TNIP1: variants seen among roughly 807,000 people sequenced by gnomAD.
The protein encoded by TNIP1 is TNFAIP3-interacting protein 1.
Under a neutral mutation model 86.6 loss-of-function variants are expected in TNIP1, and 22 were observed. That is an observed-to-expected ratio of 0.25 (90% CI 0.18 to 0.36). TNIP1 has a LOEUF of 0.36. Ranked by LOEUF, TNIP1 falls within the 10% of genes least tolerant of loss-of-function variation. The probability of loss-of-function intolerance (pLI) is 1.00; values close to 1 mark genes in which losing one functional copy is unlikely to be tolerated. For synonymous variants in TNIP1, 294 were observed against 313.0 expected (o/e 0.94, Z 0.64); for missense variants, 709 against 820.6 (o/e 0.86, Z 1.66).
intron 6 of TNIP1, among the ~76,000 whole-genome samples, chr5:151,052,848 C>T (rs1413170833): frequency 6.6e-6 from 1 of 152,146 alleles, no homozygotes; most frequent in Non-Finnish European, 1.5e-5. Flanking sequence ...CTGCCAGATC[C>T]CCAGCCCCCA....
At position 151,030,198 on chromosome 5, in the gene TNIP1, A is replaced by G; in HGVS notation, c.*515T>C. 2.2e-6 allele frequency: 1 copy of G among 455,876 alleles called. No individual in the cohort carries two copies. 28.2% of individuals were successfully genotyped at this position (455,876 alleles called of 1,614,324 possible). ...AGAGGGCCCCAGAGCCAGAATATCC[A>G]TCATTCTCTTCTGTTCTGGAGACAA... On this transcript the variant is annotated 3_prime_UTR_variant, in exon 18 of 18. Transcript: ENST00000521591.
intron 1 of TNIP1, among the ~76,000 whole-genome samples, chr5:151,068,894 T>C (rs940479495): frequency 1.3e-5 from 2 of 152,224 alleles, no homozygotes; most frequent in Non-Finnish European, 2.9e-5. Flanking sequence ...CCAGCCCCGC[T>C]TGCCCAAACC....
At chr5:151,069,335 AC>A (rs1197392640) in intron 1 of TNIP1, among the ~76,000 whole-genome samples, 5 of 152,066 alleles carry the variant, frequency 3.3e-5, no homozygotes, top group African/African-American at 7.2e-5. Context: ...GTGGTCCCAG[AC>A]CCCCCAAATG....
rs561286440 is a variant in TNIP1, at chr5:151,074,667, A to G, written c.-37+6213T>C. On this transcript the variant is annotated intron_variant, in intron 1 of 17. Transcript: ENST00000521591. Reference sequence around the variant, plus strand: ...TGAAAGCCAAAGATGCCTTGTGTTAACAACAAAAAGCTGAAAGCTACCTAA... The same window carrying G: ...TGAAAGCCAAAGATGCCTTGTGTTAGCAACAAAAAGCTGAAAGCTACCTAA... 7.9e-5 allele frequency among the ~76,000 whole-genome samples: 12 copies of G among 152,368 alleles called. No individual in the cohort carries two copies. In the South Asian group the frequency reaches 2.3e-3, roughly 29 times the overall value.
intron 2 of TNIP1, 62 bp from the exon 3 acceptor site, chr5:151,063,809 C>T (rs1006168315): frequency 1.2e-5 from 19 of 1,582,188 alleles, no homozygotes; most frequent in East Asian, 2.3e-5. Flanking sequence ...TGCTTCTCCC[C>T]GTCCCAGGCC....
chr5:151,073,230 A>AC (rs1247981693), intron 1 of TNIP1, among the ~76,000 whole-genome samples: 3 of 151,424 alleles, frequency 2.0e-5, no homozygotes, highest in African/African-American at 4.9e-5. Context: ...TCAAAAGAAA[A>AC]AAAAAAAAAA....
rs1757518439 is a variant in TNIP1 at position 151,035,074 on chromosome 5, G to A, written c.1522-7C>T. The A allele has an allele frequency of 6.2e-7, 1 of 1,613,140 alleles. No individual in the cohort carries two copies. Among genetic ancestry groups the A allele is most frequent in the Non-Finnish European group, 8.5e-7 (1 of 1,179,612 alleles). ...CATCTTTGAATGCTTTTAGCTGAGAGAAGAAGGGAGGGAGAAAAGACTGTC... is the reference window on the plus strand; with the variant it reads ...CATCTTTGAATGCTTTTAGCTGAGAAAAGAAGGGAGGGAGAAAAGACTGTC... On this transcript the variant is annotated splice_region_variant and splice_polypyrimidine_tract_variant and intron_variant, in intron 14 of 17. Coordinates refer to ENST00000521591, the MANE Select transcript of TNIP1 (RefSeq NM_006058.5).
intron 1 of TNIP1, among the ~76,000 whole-genome samples, chr5:151,076,552 C>T (rs758355435): frequency 6.6e-6 from 1 of 152,196 alleles, no homozygotes; most frequent in Admixed American, 6.5e-5. Flanking sequence ...GGCGAACAGA[C>T]GTGCCCACAG....
intron 9 of TNIP1, among the ~76,000 whole-genome samples, 172 bp from the exon 10 acceptor site, chr5:151,043,133 C>T (rs960333720): frequency 4.6e-5 from 7 of 152,244 alleles, no homozygotes; most frequent in East Asian, 1.9e-4. Context: ...TCAAAGCCAT[C>T]CACCTTCATC....
Position 151,063,685 on chromosome 5 carries a change from C to T in TNIP1, c.199G>A (p.Val67Met). 6.2e-7 allele frequency: 1 copy of T among 1,614,140 alleles called. No individual in the cohort carries two copies. Among genetic ancestry groups the T allele is most frequent in the Non-Finnish European group, 8.5e-7 (1 of 1,179,998 alleles). ...TRLRQKAEEL[V>M]KDNELLPPPS... ...GGTGGGAGCAGCTCGTTGTCCTTCACTAGCTCCTCTGCCTTCTGCCGGAGC... is the reference window on the plus strand; with the variant it reads ...GGTGGGAGCAGCTCGTTGTCCTTCATTAGCTCCTCTGCCTTCTGCCGGAGC... Residue 67 changes from valine to methionine, a missense_variant, in exon 3 of 18, where the codon GTG becomes ATG. By Grantham distance (21) the Val-to-Met change is conservative. Transcript: ENST00000521591.
At chr5:151,083,723 C>G (rs935250537), upstream of TNIP1, among the ~76,000 whole-genome samples, 2 of 152,306 alleles carry the variant, frequency 1.3e-5, no homozygotes, top group Middle Eastern at 3.4e-3. Context: ...CTCCACCACC[C>G]CTACTGAGGT....
At position 151,035,027 on chromosome 5, in the gene TNIP1, A is replaced by G; in HGVS notation, c.1562T>C (p.Leu521Pro). The change falls in exon 15 of 18, where the codon CTC becomes CCC. Residue 521 changes from leucine (L) to proline (P), a missense_variant. Leu to Pro is a moderately conservative substitution (Grantham distance 98, BLOSUM62 -3). Coordinates refer to ENST00000521591, the MANE Select transcript of TNIP1 (RefSeq NM_006058.5). ...CTTTGCTTTCCTCTTCTGCTGTCTG[A>G]GGGCTTCTCTTGCCTTCTCCTCATC... ...FKDEEKAREALRQQKRKAKAS... is the reference protein window; with the variant it reads ...FKDEEKAREAPRQQKRKAKAS... The G allele has an allele frequency of 6.2e-7, 1 of 1,614,084 alleles. No homozygotes were observed. Among genetic ancestry groups the G allele is most frequent in the South Asian group, 1.1e-5 (1 of 91,046 alleles).
At chr5:151,060,214 G>T in intron 5 of TNIP1, 104 bp downstream of exon 5, 2 of 1,219,110 alleles carry the variant, frequency 1.6e-6, no homozygotes, top group Non-Finnish European at 2.4e-6. Flanking sequence ...TGACTCCAGG[G>T]TACCTAAGGG....
intron 8 of TNIP1, 52 bp downstream of exon 8, chr5:151,049,772 G>A: frequency 6.2e-7 from 1 of 1,607,200 alleles, no homozygotes. Context: ...GGTAAGCAGA[G>A]GCTGAGTACC....
intron 8 of TNIP1, among the ~76,000 whole-genome samples, chr5:151,046,839 T>C (rs1343467553): frequency 6.6e-6 from 1 of 152,180 alleles, no homozygotes; most frequent in African/African-American, 2.4e-5. Flanking sequence ...TTCATACTGA[T>C]AGAACAAAAT....
At chr5:151,039,328 T>A in intron 11 of TNIP1, 103 bp from the exon 12 acceptor site, 7 of 1,353,230 alleles carry the variant, frequency 5.2e-6, no homozygotes, top group Non-Finnish European at 6.9e-6. Context: ...CCCCTGGCCA[T>A]CACTTCACAA....
rs367765680 is a variant in TNIP1, at chr5:151,067,720, G to A, written c.-36-2589C>T. 3.0e-3 allele frequency among the ~76,000 whole-genome samples: 460 copies of A among 152,286 alleles called. 5 individuals are homozygous for A. The highest frequency in any genetic ancestry group is 0.01 in the African/African-American group (428 of 41,546). ...TATCTTCAGAGTGGCCCAGAGTAGG[G>A]CCTCGGTAAACCTTGAATTCAGAGA... On this transcript the variant is annotated intron_variant, in intron 1 of 17. Coordinates refer to ENST00000521591, the MANE Select transcript of TNIP1 (RefSeq NM_006058.5).
chr5:151,042,505 G>A, intron 11 of TNIP1, 35 bp downstream of exon 11: 1 of 1,603,512 alleles, frequency 6.2e-7, no homozygotes, highest in Non-Finnish European at 8.5e-7. Context: ...ATGTGGAGGG[G>A]AACTGACTCT....
Position 151,050,643 on chromosome 5 carries a change from C to T in TNIP1, c.723-696G>A, listed in dbSNP as rs1382779333. Among the ~76,000 whole-genome samples, 6 of 151,876 alleles carry T rather than the reference C, an allele frequency of 4.0e-5. No homozygotes were observed. The East Asian group carries it at 1.2e-3, about 29-fold the overall frequency. ...GGTCTGACTAAAATGTTTCTTCTTTCTTTTTTTTGAGATAGGGTCTCGTTC... is the reference window on the plus strand; with the variant it reads ...GGTCTGACTAAAATGTTTCTTCTTTTTTTTTTTTGAGATAGGGTCTCGTTC... On this transcript the variant is annotated intron_variant, in intron 7 of 17. Coordinates refer to ENST00000521591, the MANE Select transcript of TNIP1 (RefSeq NM_006058.5).
Sources: allele counts gnomAD v4.1 joint callset (sites outside exome capture counted in the v4.1 genomes callset), GRCh38; gene constraint gnomAD v4.1.1; transcripts MANE v1.5; gene names NCBI Gene and HGNC (gene_info 2026-07-23, HGNC 2026-07-21).